The following MRGPRD variants were observed in gnomAD, a reference collection of about 807,000 sequenced individuals.
The protein encoded by MRGPRD is MAS related GPR family member D.
For missense variants in MRGPRD, 392 were observed against 413.4 expected, an observed-to-expected ratio of 0.95 and a Z score of 0.45; for synonymous variants, 185 against 183.9, an observed-to-expected ratio of 1.01 and a Z score of -0.05.
At chr11:68,980,894 G>GCTCA in the MRGPRD span, 3 of 1,614,054 alleles carry the variant, frequency 1.9e-6, no homozygotes, top group Admixed American at 5.0e-5. This position sits in a 1 kb window ranked among gnomAD's most constrained non-coding sequence, Gnocchi z 4.4. Flanking sequence ...TGGCCAGGGA[G>GCTCA]CTCAGCACCA....
chr11:68,980,288 A>G lies in MRGPRD; in HGVS notation c.699T>C (p.Cys233=). ...VLASVLVFLI[C]SLPLSIYWFV... is the part of the protein sequence containing the mutation. Reference sequence around the variant, plus strand: ...ACCAGTAGATGCTCAGAGGCAGGGAACAGATGAGGAACACCAGGACAGAGG... The same window carrying G: ...ACCAGTAGATGCTCAGAGGCAGGGAGCAGATGAGGAACACCAGGACAGAGG... Residue 233 remains cysteine, a synonymous_variant, in exon 1 of 1, where the codon TGT becomes TGC. Coordinates refer to ENST00000309106, the MANE Select transcript of MRGPRD (RefSeq NM_198923.2). The surrounding 1 kb of genome is among the most constrained non-coding windows in gnomAD (Gnocchi z 4.4). 1 of 1,613,966 alleles carries G rather than the reference A, an allele frequency of 6.2e-7. No individual in the cohort carries two copies. Among genetic ancestry groups the G allele is most frequent in the African/African-American group, 1.3e-5 (1 of 75,010 alleles).
In MRGPRD at chr11:68,980,692, C is replaced by T. The variant is rs758400192; in HGVS notation, c.295G>A (p.Glu99Lys). 9.9e-6 allele frequency: 16 copies of T among 1,613,732 alleles called. No individual in the cohort carries two copies. Among genetic ancestry groups the T allele is most frequent in the Middle Eastern group, 1.6e-4 (1 of 6,084 alleles). ...AAGTACATCAGTCTCTTCATCAGCT[C>T]GTGGACCTTGTCAGTGGTATTGACC... ...PLVNTTDKVH[E>K]LMKRLMYFAY... Residue 99 changes from glutamate (E) to lysine (K), a missense_variant, in exon 1 of 1, where the codon GAG becomes AAG. Physicochemically the swap from Glu to Lys is moderately conservative, Grantham distance 56. Transcript: ENST00000309106. This position sits in a 1 kb window ranked among gnomAD's most constrained non-coding sequence, Gnocchi z 4.4.
At position 68,980,154 on chromosome 11, in the gene MRGPRD, A is replaced by G. The variant is rs552377073; in HGVS notation, c.833T>C (p.Leu278Pro). The G allele has an allele frequency of 7.5e-6, 12 of 1,593,606 alleles. No homozygotes were observed. The African/African-American group carries it at 1.5e-4, about 20-fold the overall frequency. Residue 278 changes from leucine (L) to proline (P), a missense_variant, in exon 1 of 1, where the codon CTG becomes CCG. By Grantham distance (98) the Leu-to-Pro change is moderately conservative. Coordinates refer to ENST00000309106, the MANE Select transcript of MRGPRD (RefSeq NM_198923.2). This position sits in a 1 kb window ranked among gnomAD's most constrained non-coding sequence, Gnocchi z 4.4. ...CCTGTGGCTCCTCCGGCTGCCCACC[A>G]GGAAGTAGATGACGGGGTTGGCGCT... ...SSSANPVIYF[L>P]VGSRRSHRLP...
chr11:68,980,158 A>T lies in MRGPRD; in HGVS notation c.829T>A (p.Phe277Ile). The stretch of plus-strand genomic sequence containing the variant: ...TGGCTCCTCCGGCTGCCCACCAGGA[A>T]GTAGATGACGGGGTTGGCGCTGCTG... ...VSSSANPVIY[F>I]LVGSRRSHRL... The change falls in exon 1 of 1, where the codon TTC becomes ATC. Residue 277 changes from phenylalanine to isoleucine, a missense_variant. Transcript: ENST00000309106. This position sits in a 1 kb window ranked among gnomAD's most constrained non-coding sequence, Gnocchi z 4.4. 1 of 1,595,580 alleles carries T rather than the reference A, an allele frequency of 6.3e-7. No individual in the cohort carries two copies. Among genetic ancestry groups the T allele is most frequent in the Middle Eastern group, 1.7e-4 (1 of 5,946 alleles).
At position 68,980,192 on chromosome 11, in the gene MRGPRD, C is replaced by T. The variant is rs999333600; in HGVS notation, c.795G>A (p.Ser265=). 2.7e-5 allele frequency: 43 copies of T among 1,606,532 alleles called. No individual in the cohort carries two copies. Among genetic ancestry groups the T allele is most frequent in the African/African-American group, 1.2e-4 (9 of 74,592 alleles). The change falls in exon 1 of 1, where the codon TCG becomes TCA. Residue 265 remains serine, a synonymous_variant. Transcript: ENST00000309106. This position sits in a 1 kb window ranked among gnomAD's most constrained non-coding sequence, Gnocchi z 4.4. ...VLCFSLSRLS[S]SVSSSANPVI... The stretch of plus-strand genomic sequence containing the variant: ...CGGGGTTGGCGCTGCTGCTTACGGA[C>T]GAGGAGAGGCGTGACAAGCTGAAGC...
chr11:68,980,516 G>T lies in MRGPRD; in HGVS notation c.471C>A (p.Asn157Lys). ...TGCTGCAGAAGGAAGAGGTCAACCCGTTCATCAGGAGACAGAGTGTCCACA... is the reference window on the plus strand; with the variant it reads ...TGCTGCAGAAGGAAGAGGTCAACCCTTTCATCAGGAGACAGAGTGTCCACA... ...GLLWTLCLLM[N>K]GLTSSFCSKF... Residue 157 changes from asparagine (N) to lysine (K), a missense_variant, in exon 1 of 1, where the codon AAC becomes AAA. Transcript: ENST00000309106. This position sits in a 1 kb window ranked among gnomAD's most constrained non-coding sequence, Gnocchi z 4.4. 6.2e-7 allele frequency: 1 copy of T among 1,614,092 alleles called. No individual in the cohort carries two copies. The highest frequency in any genetic ancestry group is 8.5e-7 in the Non-Finnish European group (1 of 1,180,018).
rs2154011236 is a variant in MRGPRD, at chr11:68,980,243, G to A, written c.744C>T (p.Ser248=). 6.2e-7 allele frequency: 1 copy of A among 1,613,028 alleles called. No homozygotes were observed. Among genetic ancestry groups the A allele is most frequent in the Non-Finnish European group, 8.5e-7 (1 of 1,179,564 alleles). The change falls in exon 1 of 1, where the codon AGC becomes AGT. Residue 248 remains serine, a synonymous_variant. Transcript: ENST00000309106. This position sits in a 1 kb window ranked among gnomAD's most constrained non-coding sequence, Gnocchi z 4.4. ...ACAGGACCTGCATCTCGGGCGGCAG[G>A]CTCAACCAGTAGAGCACAAACCAGT... ...SIYWFVLYWL[S]LPPEMQVLCF...
chr11:68,980,402 A>G lies in MRGPRD; in HGVS notation c.585T>C (p.Thr195=). The G allele has an allele frequency of 6.2e-7, 1 of 1,613,770 alleles. No individual in the cohort carries two copies. The highest frequency in any genetic ancestry group is 8.5e-7 in the Non-Finnish European group (1 of 1,179,862). Residue 195 remains threonine (T), a synonymous_variant, in exon 1 of 1, where the codon ACT becomes ACC. Transcript: ENST00000309106. The surrounding 1 kb of genome is among the most constrained non-coding windows in gnomAD (Gnocchi z 4.4). Reference sequence around the variant, plus strand: ...AGACAAAGAGGGTCAGGCTGGACAGAGTCATCACTGGGGTTAAGACCCCCA... The same window carrying G: ...AGACAAAGAGGGTCAGGCTGGACAGGGTCATCACTGGGGTTAAGACCCCCA... ...LIMGVLTPVM[T]LSSLTLFVWV... is the part of the protein sequence containing the mutation.
In MRGPRD at chr11:68,980,273, G is replaced by C. The variant is rs1477252695; in HGVS notation, c.714C>G (p.Ser238Arg). The C allele has an allele frequency of 6.2e-7, 1 of 1,613,864 alleles. No homozygotes were observed. Among genetic ancestry groups the C allele is most frequent in the African/African-American group, 1.3e-5 (1 of 74,910 alleles). ...ACCAGTAGAGCACAAACCAGTAGAT[G>C]CTCAGAGGCAGGGAACAGATGAGGA... ...LVFLICSLPL[S>R]IYWFVLYWLS... The change falls in exon 1 of 1, where the codon AGC becomes AGG. Residue 238 changes from serine to arginine, a missense_variant. Ser to Arg is a moderately radical substitution (Grantham distance 110). Coordinates refer to ENST00000309106, the MANE Select transcript of MRGPRD (RefSeq NM_198923.2). This position sits in a 1 kb window ranked among gnomAD's most constrained non-coding sequence, Gnocchi z 4.4.
chr11:68,980,312 G>C lies in MRGPRD; in HGVS notation c.675C>G (p.Ala225=), dbSNP rs1219574402. 6.2e-7 allele frequency: 1 copy of C among 1,614,000 alleles called. No homozygotes were observed. Among genetic ancestry groups the C allele is most frequent in the Admixed American group, 1.7e-5 (1 of 60,026 alleles). ...QPTRLFVVVL[A]SVLVFLICSL... ...AACAGATGAGGAACACCAGGACAGA[G>C]GCCAGGACCACCACGAACAGCCGTG... is the stretch of plus-strand genomic sequence containing the variant. Residue 225 remains alanine, a synonymous_variant, in exon 1 of 1, where the codon GCC becomes GCG. Transcript: ENST00000309106. The surrounding 1 kb of genome is among the most constrained non-coding windows in gnomAD (Gnocchi z 4.4).
rs778163875 is a variant in MRGPRD, at chr11:68,980,075, G to C, written c.912C>G (p.Pro304=). Residue 304 remains proline, a synonymous_variant, in exon 1 of 1, where the codon CCC becomes CCG. Coordinates refer to ENST00000309106, the MANE Select transcript of MRGPRD (RefSeq NM_198923.2). The surrounding 1 kb of genome is among the most constrained non-coding windows in gnomAD (Gnocchi z 4.4). ...TVLQQALREE[P]ELEGGETPTV... ...TGGGCGTCTCCCCACCTTCCAGCTCGGGCTCCTCGCGAAGCGCCTGTTGGA... is the reference window on the plus strand; with the variant it reads ...TGGGCGTCTCCCCACCTTCCAGCTCCGGCTCCTCGCGAAGCGCCTGTTGGA... 2.6e-6 allele frequency: 4 copies of C among 1,528,880 alleles called. No individual in the cohort carries two copies. Among genetic ancestry groups the C allele is most frequent in the Non-Finnish European group, 3.5e-6 (4 of 1,143,280 alleles). 94.7% of individuals were successfully genotyped at this position (1,528,880 alleles called of 1,614,324 possible). A position where few individuals can be genotyped will look rare whatever the true frequency, so the allele number is the denominator to read the frequency against.
rs202142558 is a variant in MRGPRD at position 68,980,139 on chromosome 11, C to T, written c.848G>A (p.Arg283Lys). 5 of 1,585,996 alleles carry T rather than the reference C, an allele frequency of 3.2e-6. No homozygotes were observed. Among genetic ancestry groups the T allele is most frequent in the East Asian group, 2.2e-5 (1 of 44,736 alleles). Residue 283 changes from arginine (R) to lysine (K), a missense_variant, in exon 1 of 1, where the codon AGG (arginine) becomes AAG (lysine). Transcript: ENST00000309106. This position sits in a 1 kb window ranked among gnomAD's most constrained non-coding sequence, Gnocchi z 4.4. ...PVIYFLVGSR[R>K]SHRLPTRSLG... ...GGACCTGGTGGGCAGCCTGTGGCTC[C>T]TCCGGCTGCCCACCAGGAAGTAGAT...
rs997930641 is a variant in MRGPRD at position 68,980,418 on chromosome 11, A to G, written c.569T>C (p.Leu190Ser). 11 of 1,613,754 alleles carry G rather than the reference A, an allele frequency of 6.8e-6. No individual in the cohort carries two copies. Among genetic ancestry groups the G allele is most frequent in the Middle Eastern group, 1.6e-4 (1 of 6,082 alleles). The change falls in exon 1 of 1, where the codon TTA becomes TCA. Residue 190 changes from leucine to serine, a missense_variant. Physicochemically the swap from Leu to Ser is moderately radical, Grantham distance 145. Transcript: ENST00000309106. This position sits in a 1 kb window ranked among gnomAD's most constrained non-coding sequence, Gnocchi z 4.4. The stretch of plus-strand genomic sequence containing the variant: ...GCTGGACAGAGTCATCACTGGGGTT[A>G]AGACCCCCATGATGAGGGCGGCCTG... ...MVQAALIMGV[L>S]TPVMTLSSLT...
Position 68,980,708 on chromosome 11 carries a change from G to A in MRGPRD, c.279C>T (p.Thr93=). 1 of 1,613,750 alleles carries A rather than the reference G, an allele frequency of 6.2e-7. No homozygotes were observed. Residue 93 remains threonine (T), a synonymous_variant, in exon 1 of 1, where the codon ACC becomes ACT. Coordinates refer to ENST00000309106, the MANE Select transcript of MRGPRD (RefSeq NM_198923.2). This position sits in a 1 kb window ranked among gnomAD's most constrained non-coding sequence, Gnocchi z 4.4. Reference sequence around the variant, plus strand: ...TCATCAGCTCGTGGACCTTGTCAGTGGTATTGACCAGGGGCTGGGTTTCCA... The same window carrying A: ...TCATCAGCTCGTGGACCTTGTCAGTAGTATTGACCAGGGGCTGGGTTTCCA... ...LSLETQPLVN[T]TDKVHELMKR...
chr11:68,980,580 T>C lies in MRGPRD; in HGVS notation c.407A>G (p.His136Arg), dbSNP rs1240478796. Residue 136 changes from histidine to arginine, a missense_variant, in exon 1 of 1, where the codon CAC (histidine) becomes CGC (arginine). His to Arg is a conservative substitution (Grantham distance 29). Transcript: ENST00000309106. This position sits in a 1 kb window ranked among gnomAD's most constrained non-coding sequence, Gnocchi z 4.4. ...CCAGGCTGACAGGTGCCTGGGCCGG[T>C]GACACTTGAACCAGATAGGGAAGAG... ...SVLFPIWFKC[H>R]RPRHLSAWVC... 6.2e-7 allele frequency: 1 copy of C among 1,614,068 alleles called. No homozygotes were observed. The highest frequency in any genetic ancestry group is 2.2e-5 in the East Asian group (1 of 44,850).
chr11:68,980,061 C>T lies in MRGPRD; in HGVS notation c.926G>A (p.Gly309Glu). The change falls in exon 1 of 1, where the codon GGG becomes GAG. Residue 309 changes from glycine (G) to glutamate (E), a missense_variant. By Grantham distance (98) the Gly-to-Glu change is moderately conservative. Transcript: ENST00000309106. The surrounding 1 kb of genome is among the most constrained non-coding windows in gnomAD (Gnocchi z 4.4). ...ALREEPELEGGETPTVGTNEM... is the reference protein window; with the variant it reads ...ALREEPELEGEETPTVGTNEM... ...ATTGGTGCCCACGGTGGGCGTCTCC[C>T]CACCTTCCAGCTCGGGCTCCTCGCG... The T allele has an allele frequency of 6.6e-7, 1 of 1,521,912 alleles. No individual in the cohort carries two copies. The highest frequency in any genetic ancestry group is 8.8e-7 in the Non-Finnish European group (1 of 1,139,466). 94.3% of individuals were successfully genotyped at this position (1,521,912 alleles called of 1,614,324 possible). A position where few individuals can be genotyped will look rare whatever the true frequency, so the allele number is the denominator to read the frequency against.
Position 68,980,902 on chromosome 11 carries a change from C to T in MRGPRD, c.85G>A (p.Val29Met), listed in dbSNP as rs368680140. 1 of 1,613,616 alleles carries T rather than the reference C, an allele frequency of 6.2e-7. No individual in the cohort carries two copies. The highest frequency in any genetic ancestry group is 8.5e-7 in the Non-Finnish European group (1 of 1,179,688). Residue 29 changes from valine (V) to methionine (M), a missense_variant, in exon 1 of 1, where the codon GTG (valine) becomes ATG (methionine). Val to Met is a conservative substitution (Grantham distance 21). Transcript: ENST00000309106. The surrounding 1 kb of genome is among the most constrained non-coding windows in gnomAD (Gnocchi z 4.4). ...GTGAACATGGCCAGGGAGCTCAGCA[C>T]CAGGTAGGCCGTGTGCACTGTGCTC... ...RGSTVHTAYL[V>M]LSSLAMFTCL...
chr11:68,980,839 A>G lies in MRGPRD; in HGVS notation c.148T>C (p.Trp50Arg). Residue 50 changes from tryptophan to arginine, a missense_variant, in exon 1 of 1, where the codon TGG becomes CGG. Physicochemically the swap from Trp to Arg is moderately radical, Grantham distance 101. Transcript: ENST00000309106. This position sits in a 1 kb window ranked among gnomAD's most constrained non-coding sequence, Gnocchi z 4.4. ...CTGTGCATTCGAAAGCCCAGCAGCCAGATCACCATGCTGTTGCCTGCCATC... is the reference window on the plus strand; with the variant it reads ...CTGTGCATTCGAAAGCCCAGCAGCCGGATCACCATGCTGTTGCCTGCCATC... ...CGMAGNSMVI[W>R]LLGFRMHRNP... The G allele has an allele frequency of 6.2e-7, 1 of 1,614,202 alleles. No individual in the cohort carries two copies. Among genetic ancestry groups the G allele is most frequent in the Non-Finnish European group, 8.5e-7 (1 of 1,180,032 alleles).
Position 68,980,114 on chromosome 11 carries a change from G to C in MRGPRD, c.873C>G (p.Ser291=). 3 of 1,566,252 alleles carry C rather than the reference G, an allele frequency of 1.9e-6. No homozygotes were observed. The highest frequency in any genetic ancestry group is 2.6e-6 in the Non-Finnish European group (3 of 1,165,272). The change falls in exon 1 of 1, where the codon TCC becomes TCG. Residue 291 remains serine (S), a synonymous_variant. Coordinates refer to ENST00000309106, the MANE Select transcript of MRGPRD (RefSeq NM_198923.2). The surrounding 1 kb of genome is among the most constrained non-coding windows in gnomAD (Gnocchi z 4.4). ...GCGCCTGTTGGAGCACAGTCCCCAG[G>C]GACCTGGTGGGCAGCCTGTGGCTCC... ...SRRSHRLPTR[S]LGTVLQQALR...
Sources: gnomAD v4.1 joint callset for allele counts on GRCh38, gnomAD v4.1.1 for gene constraint, Gnocchi (gnomAD v3.1) non-coding constraint, MANE v1.5 for transcripts, NCBI Gene and HGNC (gene_info 2026-07-23, HGNC 2026-07-21) for gene names.